The following SCAMP1 variants were observed in gnomAD, a reference collection of about 807,000 sequenced individuals.
The protein encoded by SCAMP1 is secretory carrier-associated membrane protein 1.
A neutral mutation model predicts 41.8 loss-of-function variants in SCAMP1; 15 were observed. The observed-to-expected ratio is 0.36, with a 90% CI of 0.24 to 0.55. The LOEUF (loss-of-function observed/expected upper bound fraction) is 0.55, where lower values mean the gene tolerates loss of function less well. Ranked by LOEUF, SCAMP1 falls within the 20% of genes least tolerant of loss-of-function variation. SCAMP1 has a pLI of 0.86. For missense variants in SCAMP1, 341 were observed against 412.6 expected (o/e 0.83, Z 1.50); for synonymous variants, 135 against 136.8 (o/e 0.99, Z 0.09).
chr5:78,465,619 A>C (rs1753726297), intron 8 of SCAMP1, among the ~76,000 whole-genome samples: 2 of 152,226 alleles, frequency 1.3e-5, no homozygotes, highest in African/African-American at 4.8e-5. Flanking sequence ...CTTCTCAGTT[A>C]ATAGTTTTCC....
chr5:78,461,474 C>A (rs1753612480), intron 8 of SCAMP1, among the ~76,000 whole-genome samples: 1 of 152,124 alleles, frequency 6.6e-6, no homozygotes, highest in Non-Finnish European at 1.5e-5. Flanking sequence ...TGTTAAAGAT[C>A]AGTTGGTTGT....
In SCAMP1 at chr5:78,404,453, G is replaced by GTTTTTTTTTT. The variant is rs3058233; in HGVS notation, c.136-11056_136-11047dup. 7.7e-4 allele frequency among the ~76,000 whole-genome samples: 76 copies of GTTTTTTTTTT among 98,174 alleles called. 4 individuals are homozygous for GTTTTTTTTTT. The highest frequency in any genetic ancestry group is 1.4e-3 in the African/African-American group (31 of 22,238). The allele number at this position is 98,174 out of a possible 152,430, so 64.4% of individuals were successfully genotyped here. On this transcript the variant is annotated intron_variant, in intron 2 of 8. Coordinates refer to ENST00000621999, the MANE Select transcript of SCAMP1 (RefSeq NM_004866.6). ...TGAGCCACTGTGCCCAGCCTTACAGGTTTTTTTTTTTTTTTTTTTTGCTAG... is the reference window on the plus strand; with the variant it reads ...TGAGCCACTGTGCCCAGCCTTACAGGTTTTTTTTTTTTTTTTTTTTTTTTTTTTTTGCTAG...
intron 2 of SCAMP1, among the ~76,000 whole-genome samples, chr5:78,399,303 A>T (rs926796066): frequency 1.3e-5 from 2 of 152,174 alleles, no homozygotes; most frequent in African/African-American, 2.4e-5. Context: ...TTTTGTATGG[A>T]TGTAAGTTTT....
At chr5:78,434,558 T>TCC in intron 6 of SCAMP1, among the ~76,000 whole-genome samples, 1 of 49,986 alleles carries the variant, frequency 2.0e-5, no homozygotes, top group Admixed American at 1.2e-4. Context: ...CTTCCTTCCT[T>TCC]TTCCTCCTCC....
At chr5:78,409,422 TAC>T (rs59969661) in intron 2 of SCAMP1, among the ~76,000 whole-genome samples, 33,604 of 148,738 alleles carry the variant, frequency 0.23, 4,085 homozygotes, top group Admixed American at 0.37. Context: ...CACATATAGA[TAC>T]ACACACACAC....
At chr5:78,373,897 T>A (rs1391483407) in intron 1 of SCAMP1, among the ~76,000 whole-genome samples, 2 of 151,232 alleles carry the variant, frequency 1.3e-5, no homozygotes, top group African/African-American at 4.8e-5. Flanking sequence ...TATCAACCAT[T>A]ATATTTAAAA....
intron 8 of SCAMP1, among the ~76,000 whole-genome samples, chr5:78,464,706 CACT>C (rs2112242394): frequency 6.6e-6 from 1 of 152,248 alleles, no homozygotes; most frequent in East Asian, 1.9e-4. Context: ...TGTAAAAACA[CACT>C]ACATGCCATA....
intron 2 of SCAMP1, among the ~76,000 whole-genome samples, chr5:78,391,310 G>A (rs1462602850): frequency 1.3e-5 from 2 of 151,720 alleles, no homozygotes; most frequent in East Asian, 2.0e-4. Context: ...TCCCGGACGG[G>A]GCGGCTGGCC....
intron 2 of SCAMP1, among the ~76,000 whole-genome samples, chr5:78,406,226 C>A (rs1486904294): frequency 6.6e-6 from 1 of 152,186 alleles, no homozygotes; most frequent in Non-Finnish European, 1.5e-5. Context: ...ATTCTCTCTT[C>A]TAATCCCTAA....
chr5:78,430,059 AAATAC>A (rs1752566003), intron 6 of SCAMP1, among the ~76,000 whole-genome samples: 1 of 119,010 alleles, frequency 8.4e-6, no homozygotes, highest in Non-Finnish European at 1.9e-5. Flanking sequence ...ATTTATTTAT[AAATAC>A]AGTATTTATT....
chr5:78,423,016 GCACACACACACACACA>G lies in SCAMP1; in HGVS notation c.632+1077_632+1092del, dbSNP rs57059961. 6.0e-4 allele frequency among the ~76,000 whole-genome samples: 20 copies of G among 33,404 alleles called. No homozygotes were observed. The South Asian group carries it at 9.6e-3, about 16-fold the overall frequency. The allele number at this position is 33,404 out of a possible 152,430, so 21.9% of individuals were successfully genotyped here. A position where few individuals can be genotyped will look rare whatever the true frequency, so the allele number is the denominator to read the frequency against. ...CAGAATGTGTAACACACGCGCGCGC[GCACACACACACACACA>G]CACACACACACACACACACAGAGTT... is the stretch of plus-strand genomic sequence containing the variant. On this transcript the variant is annotated intron_variant, in intron 6 of 8. Transcript: ENST00000621999.
intron 4 of SCAMP1, among the ~76,000 whole-genome samples, chr5:78,418,203 G>A (rs891837011): frequency 2.0e-5 from 3 of 151,642 alleles, no homozygotes; most frequent in South Asian, 4.2e-4. Context: ...TAGGGTTTTC[G>A]TACATGTATC....
chr5:78,378,083 G>A (rs184869327), intron 1 of SCAMP1, among the ~76,000 whole-genome samples: 69 of 152,206 alleles, frequency 4.5e-4, no homozygotes, highest in Non-Finnish European at 7.1e-4. Context: ...AGTATTGGTC[G>A]TTACCAGGTG....
At chr5:78,372,089 C>T (rs531501674) in intron 1 of SCAMP1, among the ~76,000 whole-genome samples, 8 of 152,292 alleles carry the variant, frequency 5.3e-5, no homozygotes, top group East Asian at 1.9e-4. Flanking sequence ...GCATTCTGTA[C>T]GTAACAAATA....
chr5:78,383,677 G>A (rs916060965), intron 1 of SCAMP1, among the ~76,000 whole-genome samples: 1 of 152,062 alleles, frequency 6.6e-6, no homozygotes, highest in Admixed American at 6.6e-5. Context: ...AGCACCATTT[G>A]TTGAATAGGG....
chr5:78,423,151 A>G (rs1473370595), intron 6 of SCAMP1, among the ~76,000 whole-genome samples: 3 of 152,200 alleles, frequency 2.0e-5, no homozygotes, highest in African/African-American at 7.2e-5. Flanking sequence ...GTATCAGACA[A>G]TGAAGAAGTA....
intron 2 of SCAMP1, among the ~76,000 whole-genome samples, chr5:78,411,480 A>G (rs896913710): frequency 1.3e-5 from 2 of 152,200 alleles, no homozygotes; most frequent in Non-Finnish European, 2.9e-5. Context: ...AATAATCCCT[A>G]TTAACATTTT....
intron 1 of SCAMP1, among the ~76,000 whole-genome samples, chr5:78,374,943 A>T (rs1751029984): frequency 6.6e-6 from 1 of 152,136 alleles, no homozygotes; most frequent in Admixed American, 6.5e-5. Flanking sequence ...CTTGTCTTAG[A>T]GTCTTGTTGA....
At chr5:78,434,023 C>T (rs1451207509) in intron 6 of SCAMP1, among the ~76,000 whole-genome samples, 11 of 152,138 alleles carry the variant, frequency 7.2e-5, no homozygotes, top group Admixed American at 4.6e-4. Context: ...TTTTACCTCC[C>T]ACATAAAGCT....
Sources: gnomAD v4.1 joint callset for allele counts (sites outside exome capture counted in the v4.1 genomes callset) on GRCh38, gnomAD v4.1.1 for gene constraint, MANE v1.5 for transcripts, NCBI Gene and HGNC (gene_info 2026-07-23, HGNC 2026-07-21) for gene names.